MCIDAS: variants seen among roughly 807,000 people sequenced by gnomAD.
The protein encoded by MCIDAS is multicilin.
A neutral mutation model predicts 35.4 loss-of-function variants in MCIDAS; 23 were observed. That is an observed-to-expected ratio of 0.65 (90% CI 0.47 to 0.92). MCIDAS has a LOEUF of 0.92. Among genes scored for constraint, MCIDAS ranks in the 40% least tolerant of loss-of-function variants. MCIDAS has a pLI of 0.00. For synonymous variants in MCIDAS, 228 were observed against 235.2 expected, an observed-to-expected ratio of 0.97 and a Z score of 0.28; for missense variants, 480 against 531.8, an observed-to-expected ratio of 0.90 and a Z score of 0.96.
Position 55,219,683 on chromosome 5 carries a change from G to A in MCIDAS, c.*683C>T, listed in dbSNP as rs1290580038. 6.6e-6 allele frequency: 1 copy of A among 152,080 alleles called. No homozygotes were observed. Among genetic ancestry groups the A allele is most frequent in the Non-Finnish European group, 1.5e-5 (1 of 68,030 alleles). 9.4% of individuals were successfully genotyped at this position (152,080 alleles called of 1,614,324 possible). A position where few individuals can be genotyped will look rare whatever the true frequency, so the allele number is the denominator to read the frequency against. On this transcript the variant is annotated 3_prime_UTR_variant, in exon 7 of 7. Transcript: ENST00000513312. ...ACTGTATGGATAATGAATATAAACT[G>A]TTACCATAAATCTTCTAAATTATAT...
At position 55,226,857 on chromosome 5, in the gene MCIDAS, G is replaced by T. The variant is rs1390798624; in HGVS notation, c.195C>A (p.Asp65Glu). 3 of 1,389,398 alleles carry T rather than the reference G, an allele frequency of 2.2e-6. No individual in the cohort carries two copies. The highest frequency in any genetic ancestry group is 3.0e-5 in the African/African-American group (2 of 65,576). 86.1% of individuals were successfully genotyped at this position (1,389,398 alleles called of 1,614,324 possible). A position where few individuals can be genotyped will look rare whatever the true frequency, so the allele number is the denominator to read the frequency against. The change falls in exon 2 of 7, where the codon GAC becomes GAA. Residue 65 changes from aspartate to glutamate, a missense_variant. Asp to Glu is a conservative substitution (Grantham distance 45). Transcript: ENST00000513312. ...SPVSVYEDPP[D>E]AEPTALPALT... ...CACCTGGCAGCGCTGTGGGCTCGGC[G>T]TCCGGGGGATCCTCGTACACCGACA...
chr5:55,223,021 G>A lies in MCIDAS; in HGVS notation c.312C>T (p.Asn104=). ...PPGGDLAASQ[N]HSHQTEADFN... Reference sequence around the variant, plus strand: ...AGTCTGCTTCCGTTTGGTGGGAATGGTTCTGAAAAAAACCAGAGGTGTACA... The same window carrying A: ...AGTCTGCTTCCGTTTGGTGGGAATGATTCTGAAAAAAACCAGAGGTGTACA... The change falls in exon 4 of 7, where the codon AAC becomes AAT. Residue 104 remains asparagine (N), a splice_region_variant and synonymous_variant. Coordinates refer to ENST00000513312, the MANE Select transcript of MCIDAS (RefSeq NM_001190787.3). The surrounding 1 kb of genome is among the most constrained non-coding windows in gnomAD (Gnocchi z 4.4). The A allele has an allele frequency of 6.5e-7, 1 of 1,536,014 alleles. No homozygotes were observed. The highest frequency in any genetic ancestry group is 2.4e-5 in the East Asian group (1 of 40,914).
In MCIDAS at chr5:55,227,017, A is replaced by G. The variant is rs1414605352; in HGVS notation, c.120+2T>C. On this transcript the variant is annotated splice_donor_variant, in intron 1 of 6. Transcript: ENST00000513312. LOFTEE classifies it high-confidence loss of function. Reference sequence around the variant, plus strand: ...CCGCCCGGCCCGAATCAACCGCCCCACCTTCCTCTCCGGCTTCCCCGGCTT... The same window carrying G: ...CCGCCCGGCCCGAATCAACCGCCCCGCCTTCCTCTCCGGCTTCCCCGGCTT... 6.6e-7 allele frequency: 1 copy of G among 1,519,756 alleles called. No individual in the cohort carries two copies. Among genetic ancestry groups the G allele is most frequent in the Admixed American group, 2.0e-5 (1 of 49,950 alleles). The allele number at this position is 1,519,756 out of a possible 1,614,324, so 94.1% of individuals were successfully genotyped here.
chr5:55,221,218 C>T (rs946828244), intron 5 of MCIDAS, 92 bp from the exon 6 acceptor site: 3 of 800,186 alleles, frequency 3.7e-6, no homozygotes, highest in Non-Finnish European at 5.9e-6. Flanking sequence ...CCTGACGTCT[C>T]ATCAGGAACT....
In MCIDAS at chr5:55,226,697, G is replaced by A. The variant is rs570844077; in HGVS notation, c.218-30C>T. ...GCGGGGAGACCGGGAGACACGCGCCGGGCGGGCCCTGAGCCTCTCCGCCAG... is the reference window on the plus strand; with the variant it reads ...GCGGGGAGACCGGGAGACACGCGCCAGGCGGGCCCTGAGCCTCTCCGCCAG... On this transcript the variant is annotated intron_variant, in intron 2 of 6. Coordinates refer to ENST00000513312, the MANE Select transcript of MCIDAS (RefSeq NM_001190787.3). 1,252 of 1,465,760 alleles carry A rather than the reference G, an allele frequency of 8.5e-4. 1 individual carries two copies. The highest frequency in any genetic ancestry group is 9.9e-4 in the Non-Finnish European group (1,099 of 1,113,724). 90.8% of individuals were successfully genotyped at this position (1,465,760 alleles called of 1,614,324 possible).
In MCIDAS at chr5:55,222,417, C is replaced by T; in HGVS notation, c.383-18G>A. Reference sequence around the variant, plus strand: ...GGATGAGTCTGGAGAAGAGCAGGAGCTGGATTTGCAGCCTCAAATTCATGC... The same window carrying T: ...GGATGAGTCTGGAGAAGAGCAGGAGTTGGATTTGCAGCCTCAAATTCATGC... On this transcript the variant is annotated intron_variant, in intron 4 of 6. Transcript: ENST00000513312. The T allele has an allele frequency of 1.4e-6, 2 of 1,460,088 alleles. No homozygotes were observed. 90.4% of individuals were successfully genotyped at this position (1,460,088 alleles called of 1,614,324 possible).
In MCIDAS at chr5:55,222,381, G is replaced by A. The variant is rs1325873652; in HGVS notation, c.401C>T (p.Ser134Leu). The change falls in exon 5 of 7, where the codon TCG (serine) becomes TTG (leucine). Residue 134 changes from serine (S) to leucine (L), a missense_variant. Physicochemically the swap from Ser to Leu is moderately radical, Grantham distance 145. Transcript: ENST00000513312. ...GAAGTCTCCGCTGGCCAGGGTAGGC[G>A]ACATCATAGAGGATGAGTCTGGAGA... ...DLISDSSSMM[S>L]PTLASGDFPF... 8 of 1,513,510 alleles carry A rather than the reference G, an allele frequency of 5.3e-6. No homozygotes were observed. Among genetic ancestry groups the A allele is most frequent in the African/African-American group, 1.4e-5 (1 of 72,626 alleles). The allele number at this position is 1,513,510 out of a possible 1,614,324, so 93.8% of individuals were successfully genotyped here.
In MCIDAS at chr5:55,219,765, T is replaced by C. The variant is rs539885573; in HGVS notation, c.*601A>G. 1 of 152,352 alleles carries C rather than the reference T, an allele frequency of 6.6e-6. No individual in the cohort carries two copies. The highest frequency in any genetic ancestry group is 2.4e-5 in the African/African-American group (1 of 41,582). The allele number at this position is 152,352 out of a possible 1,614,324, so 9.4% of individuals were successfully genotyped here. ...CCTATTTTGTTGATAGCCCATTGCC[T>C]CTGAGAATCTGCCTTTTCCTAAGAC... On this transcript the variant is annotated 3_prime_UTR_variant, in exon 7 of 7. Coordinates refer to ENST00000513312, the MANE Select transcript of MCIDAS (RefSeq NM_001190787.3).
intron 6 of MCIDAS, 54 bp downstream of exon 6, chr5:55,220,962 T>C: frequency 6.7e-7 from 1 of 1,489,318 alleles, no homozygotes; most frequent in South Asian, 1.2e-5. Flanking sequence ...GGGGATGCAC[T>C]GAACTGTTCA....
At position 55,220,349 on chromosome 5, in the gene MCIDAS, G is replaced by C; in HGVS notation, c.*17C>G. The C allele has an allele frequency of 6.6e-7, 1 of 1,522,944 alleles. No individual in the cohort carries two copies. Among genetic ancestry groups the C allele is most frequent in the Non-Finnish European group, 8.8e-7 (1 of 1,137,462 alleles). 94.3% of individuals were successfully genotyped at this position (1,522,944 alleles called of 1,614,324 possible). ...AGTGGAAACACAGGGCAGTGTTTTG[G>C]GGGACCACATCACAGCTCAACTGGG... On this transcript the variant is annotated 3_prime_UTR_variant, in exon 7 of 7. Coordinates refer to ENST00000513312, the MANE Select transcript of MCIDAS (RefSeq NM_001190787.3).
At chr5:55,224,886 A>G (rs1233468047) in intron 3 of MCIDAS, among the ~76,000 whole-genome samples, 1 of 152,142 alleles carries the variant, frequency 6.6e-6, no homozygotes, top group Non-Finnish European at 1.5e-5. Context: ...TTTTTGGTCC[A>G]TCTGATGTGA....
In MCIDAS at chr5:55,227,037, C is replaced by G. The variant is rs1232343628; in HGVS notation, c.102G>C (p.Pro34=). The change falls in exon 1 of 7, where the codon CCG becomes CCC. Residue 34 remains proline, a synonymous_variant. Coordinates refer to ENST00000513312, the MANE Select transcript of MCIDAS (RefSeq NM_001190787.3). The part of the protein sequence containing the change: ...ALPGRALLCK[P]GKPERKFAPP... ...GCCCCACCTTCCTCTCCGGCTTCCC[C>G]GGCTTGCAGAGCAGCGCCCGGCCCG... The G allele has an allele frequency of 1.4e-5, 21 of 1,519,652 alleles. No homozygotes were observed. The highest frequency in any genetic ancestry group is 5.7e-5 in the African/African-American group (4 of 70,444). The allele number at this position is 1,519,652 out of a possible 1,614,324, so 94.1% of individuals were successfully genotyped here.
rs373702950 is a variant in MCIDAS, at chr5:55,226,144, A to G, written c.309+432T>C. Among the ~76,000 whole-genome samples, 7 of 151,982 alleles carry G rather than the reference A, an allele frequency of 4.6e-5. No individual in the cohort carries two copies. In the East Asian group the frequency reaches 7.8e-4, roughly 17 times the overall value. Reference sequence around the variant, plus strand: ...GTCCTGATAGAGAAGTTATCCATCAACCTCCACTCTTCTTATATACCCACG... The same window carrying G: ...GTCCTGATAGAGAAGTTATCCATCAGCCTCCACTCTTCTTATATACCCACG... On this transcript the variant is annotated intron_variant, in intron 3 of 6. Transcript: ENST00000513312.
In MCIDAS at chr5:55,227,180, GC is replaced by G. The variant is rs961350770; in HGVS notation, c.-43del. ...GGGTGCCGACTGCTCGGAGGCGGCG[GC>G]CCGGGCTGGGGCAGCGATCCACACC... On this transcript the variant is annotated 5_prime_UTR_variant, in exon 1 of 7. Coordinates refer to ENST00000513312, the MANE Select transcript of MCIDAS (RefSeq NM_001190787.3). 1.5e-5 allele frequency: 21 copies of G among 1,404,738 alleles called. No homozygotes were observed. The Middle Eastern group carries it at 7.8e-4, about 52-fold the overall frequency. The allele number at this position is 1,404,738 out of a possible 1,614,324, so 87.0% of individuals were successfully genotyped here.
In MCIDAS at chr5:55,220,820, G is replaced by A. The variant is rs1264798704; in HGVS notation, c.718-14C>T. Reference sequence around the variant, plus strand: ...GATCATCAGCTTCTACGAAAGACAGGGAAGAGCGCCGCCCTGGGGCCTGCC... The same window carrying A: ...GATCATCAGCTTCTACGAAAGACAGAGAAGAGCGCCGCCCTGGGGCCTGCC... On this transcript the variant is annotated splice_polypyrimidine_tract_variant and intron_variant, in intron 6 of 6. Coordinates refer to ENST00000513312, the MANE Select transcript of MCIDAS (RefSeq NM_001190787.3). The A allele has an allele frequency of 1.3e-6, 2 of 1,518,606 alleles. No individual in the cohort carries two copies. The highest frequency in any genetic ancestry group is 2.8e-5 in the African/African-American group (2 of 72,510). 94.1% of individuals were successfully genotyped at this position (1,518,606 alleles called of 1,614,324 possible). A position where few individuals can be genotyped will look rare whatever the true frequency, so the allele number is the denominator to read the frequency against.
In MCIDAS at chr5:55,220,193, G is replaced by C. The variant is rs534304430; in HGVS notation, c.*173C>G. 4.8e-6 allele frequency: 3 copies of C among 629,886 alleles called. No homozygotes were observed. The Admixed American group carries it at 9.0e-5, about 19-fold the overall frequency. The allele number at this position is 629,886 out of a possible 1,614,324, so 39.0% of individuals were successfully genotyped here. On this transcript the variant is annotated 3_prime_UTR_variant, in exon 7 of 7. Coordinates refer to ENST00000513312, the MANE Select transcript of MCIDAS (RefSeq NM_001190787.3). The stretch of plus-strand genomic sequence containing the variant: ...TAAACAGAGTTTCACTGTGACAAGG[G>C]GAGGGGCTATACAATGTTTTGTAGC...
rs1195706498 is a variant in MCIDAS at position 55,227,126 on chromosome 5, C to T, written c.13G>A (p.Gly5Arg). The T allele has an allele frequency of 1.4e-6, 2 of 1,473,690 alleles. No individual in the cohort carries two copies. The highest frequency in any genetic ancestry group is 2.2e-4 in the Middle Eastern group (1 of 4,448). 91.3% of individuals were successfully genotyped at this position (1,473,690 alleles called of 1,614,324 possible). The stretch of plus-strand genomic sequence containing the variant: ...GCCCGACGGCCGGCCGCGCCGCCCC[C>T]GCACGCCTGCATTGTGCCTCCTGCC... MQAC[G>R]GGAAGRRAFD... is the part of the protein sequence containing the mutation. Residue 5 changes from glycine to arginine, a missense_variant, in exon 1 of 7, where the codon GGG becomes AGG. Physicochemically the swap from Gly to Arg is moderately radical, Grantham distance 125. Coordinates refer to ENST00000513312, the MANE Select transcript of MCIDAS (RefSeq NM_001190787.3).
Position 55,227,112 on chromosome 5 carries a change from G to T in MCIDAS, c.27C>A (p.Ala9=). Residue 9 remains alanine (A), a synonymous_variant, in exon 1 of 7, where the codon GCC becomes GCA. Transcript: ENST00000513312. MQACGGGA[A]GRRAFDSICP... is the part of the protein sequence containing the mutation. ...AGATGCTGTCGAAGGCCCGACGGCC[G>T]GCCGCGCCGCCCCCGCACGCCTGCA... 2 of 1,484,732 alleles carry T rather than the reference G, an allele frequency of 1.3e-6. No individual in the cohort carries two copies. Among genetic ancestry groups the T allele is most frequent in the South Asian group, 2.6e-5 (2 of 78,038 alleles). The allele number at this position is 1,484,732 out of a possible 1,614,324, so 92.0% of individuals were successfully genotyped here. A position where few individuals can be genotyped will look rare whatever the true frequency, so the allele number is the denominator to read the frequency against.
intron 4 of MCIDAS, 67 bp downstream of exon 4, chr5:55,222,883 TG>T (rs1745387467): frequency 7.3e-7 from 1 of 1,367,912 alleles, no homozygotes; most frequent in Admixed American, 2.0e-5. Context: ...CCACGAAATC[TG>T]AACTAGTCTG....
Sources: allele counts gnomAD v4.1 joint callset (sites outside exome capture counted in the v4.1 genomes callset), GRCh38; gene constraint gnomAD v4.1.1; non-coding constraint Gnocchi (gnomAD v3.1); transcripts MANE v1.5; gene names NCBI Gene and HGNC (gene_info 2026-07-23, HGNC 2026-07-21).